EIF3F: variants seen among roughly 807,000 people sequenced by gnomAD.
The protein encoded by EIF3F is eukaryotic translation initiation factor 3 subunit F, also known as deubiquitinating enzyme eIF3f.
A neutral mutation model predicts 36.0 loss-of-function variants in EIF3F; 8 were observed. That is an observed-to-expected ratio of 0.22 (90% CI 0.13 to 0.40). EIF3F has a LOEUF of 0.40. EIF3F is among the 10% of genes least tolerant of loss of function. EIF3F has a pLI of 1.00. For missense variants in EIF3F, 430 were observed against 467.6 expected (o/e 0.92, Z 0.74); for synonymous variants, 184 against 188.5 (o/e 0.98, Z 0.19).
rs1027171174 is a variant in EIF3F at position 7,987,785 on chromosome 11, CATT to C, written c.364+71_364+73del. The C allele has an allele frequency of 3.6e-6, 5 of 1,396,872 alleles. No individual in the cohort carries two copies. In the African/African-American group the frequency reaches 6.1e-5, roughly 17 times the overall value. 86.5% of individuals were successfully genotyped at this position (1,396,872 alleles called of 1,614,324 possible). ...TCTCATTTATCTCACTCCCCTAACT[CATT>C]AATTCTTTAATTCCTGGTGTCCTAC... is the stretch of plus-strand genomic sequence containing the variant. On this transcript the variant is annotated intron_variant, in intron 1 of 7. Coordinates refer to ENST00000651655, the MANE Select transcript of EIF3F (RefSeq NM_003754.3).
chr11:7,988,578 T>G (rs1942055076), intron 1 of EIF3F, among the ~76,000 whole-genome samples: 1 of 152,254 alleles, frequency 6.6e-6, no homozygotes, highest in African/African-American at 2.4e-5. Context: ...CCCATGAAAT[T>G]CGTTTCCATT....
intron 1 of EIF3F, 135 bp downstream of exon 1, chr11:7,987,851 T>G: frequency 2.4e-6 from 3 of 1,263,350 alleles, no homozygotes; most frequent in African/African-American, 1.6e-5. Context: ...TCTTAATCTA[T>G]ATCTGCATCC....
intron 4 of EIF3F, 129 bp downstream of exon 4, chr11:7,993,153 A>C: frequency 3.7e-5 from 39 of 1,066,426 alleles, no homozygotes; most frequent in East Asian, 1.8e-4. Context: ...CCTCTCTCTC[A>C]ACAGTTATTC....
Position 7,997,952 on chromosome 11 carries a change from GACTTAA to G in EIF3F, c.*1932_*1937del, listed in dbSNP as rs1261629415. ...TCGGTATTATAAGTAATCTAGAGATGACTTAAAAGTATATGAGAAGGTATGCACAGG... is the reference window on the plus strand; with the variant it reads ...TCGGTATTATAAGTAATCTAGAGATGAAGTATATGAGAAGGTATGCACAGG... On this transcript the variant is annotated 3_prime_UTR_variant, in exon 8 of 8. Coordinates refer to ENST00000651655, the MANE Select transcript of EIF3F (RefSeq NM_003754.3). 1 of 152,202 alleles carries G rather than the reference GACTTAA, an allele frequency of 6.6e-6. No homozygotes were observed. The highest frequency in any genetic ancestry group is 1.5e-5 in the Non-Finnish European group (1 of 68,044). 9.4% of individuals were successfully genotyped at this position (152,202 alleles called of 1,614,324 possible).
intron 7 of EIF3F, 194 bp downstream of exon 7, chr11:7,995,561 C>T (rs1942151136): frequency 1.6e-6 from 1 of 611,452 alleles, no homozygotes; most frequent in South Asian, 1.9e-5. Flanking sequence ...CCTTCCTTCT[C>T]CCATGATTCC....
At chr11:7,995,777 C>G in intron 7 of EIF3F, 168 bp from the exon 8 acceptor site, 2 of 689,352 alleles carry the variant, frequency 2.9e-6, no homozygotes, top group Non-Finnish European at 5.2e-6. Flanking sequence ...CCTTCTCAAG[C>G]ATTTCCTTTC....
chr11:7,995,925 G>T lies in EIF3F; in HGVS notation c.997-20G>T. The T allele has an allele frequency of 6.2e-7, 1 of 1,612,150 alleles. No homozygotes were observed. ...CTTTCCACCCAACCCCCCACTCATT[G>T]TGTATTCTTTGTCTTCCAGGACCTT... On this transcript the variant is annotated intron_variant, in intron 7 of 7. Transcript: ENST00000651655.
intron 1 of EIF3F, among the ~76,000 whole-genome samples, chr11:7,989,678 A>C (rs984012990): frequency 7.9e-5 from 12 of 152,248 alleles, no homozygotes; most frequent in Non-Finnish European, 1.3e-4. Flanking sequence ...TAAATGTTCC[A>C]ATAGAAGGGT....
Position 7,987,398 on chromosome 11 carries a change from A to C in EIF3F, c.46A>C (p.Thr16Pro), listed in dbSNP as rs1589902576. 1 of 1,599,832 alleles carries C rather than the reference A, an allele frequency of 6.3e-7. No individual in the cohort carries two copies. The highest frequency in any genetic ancestry group is 8.5e-7 in the Non-Finnish European group (1 of 1,179,344). ...VPVSAPPATPTPVPAAAPASV... is the reference protein window; with the variant it reads ...VPVSAPPATPPPVPAAAPASV... Reference sequence around the variant, plus strand: ...AGTAAGTGCTCCTCCGGCCACGCCAACCCCAGTCCCGGCGGCGGCCCCAGC... The same window carrying C: ...AGTAAGTGCTCCTCCGGCCACGCCACCCCCAGTCCCGGCGGCGGCCCCAGC... The change falls in exon 1 of 8, where the codon ACC becomes CCC. Residue 16 changes from threonine to proline, a missense_variant. Coordinates refer to ENST00000651655, the MANE Select transcript of EIF3F (RefSeq NM_003754.3).
chr11:7,988,364 G>A (rs991825340), intron 1 of EIF3F, among the ~76,000 whole-genome samples: 2 of 152,170 alleles, frequency 1.3e-5, no homozygotes, highest in Non-Finnish European at 2.9e-5. Flanking sequence ...GAGAAACCCT[G>A]TTCCCCCATT....
At chr11:7,992,259 G>A (rs1291641875) in intron 3 of EIF3F, 96 bp downstream of exon 3, 69 of 1,076,056 alleles carry the variant, frequency 6.4e-5, no homozygotes, top group Non-Finnish European at 8.7e-5. Context: ...TCTTCCTTTT[G>A]GAGGCAAGAG....
At position 7,990,806 on chromosome 11, in the gene EIF3F, A is replaced by T. The variant is rs1942082450; in HGVS notation, c.365-975A>T. On this transcript the variant is annotated intron_variant, in intron 1 of 7. Transcript: ENST00000651655. The stretch of plus-strand genomic sequence containing the variant: ...ATCCTGGGGTAGGAGGTTCCAATAG[A>T]TTAGAAGAGAATGGAAAACTCAACG... 2.0e-5 allele frequency among the ~76,000 whole-genome samples: 3 copies of T among 152,050 alleles called. No homozygotes were observed. The South Asian group carries it at 6.2e-4, about 32-fold the overall frequency.
At chr11:7,994,287 C>A (rs888553411) in intron 4 of EIF3F, 139 bp from the exon 5 acceptor site, 2 of 698,200 alleles carry the variant, frequency 2.9e-6, no homozygotes, top group African/African-American at 3.6e-5. Context: ...CCCATGAGAC[C>A]TCTGGGGTTC....
At chr11:7,991,663 T>C in intron 1 of EIF3F, 118 bp from the exon 2 acceptor site, 1 of 967,318 alleles carries the variant, frequency 1.0e-6, no homozygotes, top group Non-Finnish European at 1.7e-6. Context: ...TTGGAGCTAA[T>C]GAGTTCAGTT....
intron 1 of EIF3F, 91 bp from the exon 2 acceptor site, chr11:7,991,690 T>C (rs2133669865): frequency 5.6e-6 from 7 of 1,239,120 alleles, no homozygotes; most frequent in Non-Finnish European, 8.3e-6. Flanking sequence ...TCATTGACAT[T>C]GAAGAGATCA....
intron 4 of EIF3F, 52 bp downstream of exon 4, chr11:7,993,076 C>G (rs1399566475): frequency 6.6e-7 from 1 of 1,505,656 alleles, no homozygotes; most frequent in African/African-American, 1.4e-5. Flanking sequence ...AGATGCCATC[C>G]CTCCCCCACC....
Position 8,001,741 on chromosome 11 carries a change from C to T in EIF3F, c.*5719C>T, listed in dbSNP as rs1942224664. ...TTGTCTTAAGGTACTAGATGGGGCACAGGACAGGACGAAAGATTTACTTCT... is the reference window on the plus strand; with the variant it reads ...TTGTCTTAAGGTACTAGATGGGGCATAGGACAGGACGAAAGATTTACTTCT... On this transcript the variant is annotated 3_prime_UTR_variant, in exon 8 of 8. Transcript: ENST00000651655. 6.6e-6 allele frequency: 1 copy of T among 151,986 alleles called. No individual in the cohort carries two copies. Among genetic ancestry groups the T allele is most frequent in the African/African-American group, 2.4e-5 (1 of 41,348 alleles). 9.4% of individuals were successfully genotyped at this position (151,986 alleles called of 1,614,324 possible). A position where few individuals can be genotyped will look rare whatever the true frequency, so the allele number is the denominator to read the frequency against.
chr11:7,987,441 C>T lies in EIF3F; in HGVS notation c.89C>T (p.Thr30Met). The change falls in exon 1 of 8, where the codon ACG becomes ATG. Residue 30 changes from threonine to methionine, a missense_variant. Thr to Met is a moderately conservative substitution (Grantham distance 81). This residue lies in a region of EIF3F where 168 missense variants were observed against 120.2 expected (regional missense o/e 1.40). Coordinates refer to ENST00000651655, the MANE Select transcript of EIF3F (RefSeq NM_003754.3). ...GCCCCAGCCTCAGTTCCAGCGCCAA[C>T]GCCAGCACCGGCTGCGGCTCCGGTT... Reference protein sequence around the residue: ...AAAPASVPAPTPAPAAAPVPA... With the variant: ...AAAPASVPAPMPAPAAAPVPA... 1 of 1,602,950 alleles carries T rather than the reference C, an allele frequency of 6.2e-7. No homozygotes were observed. Among genetic ancestry groups the T allele is most frequent in the Non-Finnish European group, 8.5e-7 (1 of 1,179,100 alleles).
intron 4 of EIF3F, among the ~76,000 whole-genome samples, chr11:7,993,798 A>T (rs1025691233): frequency 6.6e-6 from 1 of 151,968 alleles, no homozygotes; most frequent in African/African-American, 2.4e-5. Context: ...TGACTTCTTA[A>T]CCTTCCCAGG....
Sources: allele counts gnomAD v4.1 joint callset (sites outside exome capture counted in the v4.1 genomes callset), GRCh38; gene constraint gnomAD v4.1.1; regional missense constraint gnomAD v4.1.1; transcripts MANE v1.5; gene names NCBI Gene and HGNC (gene_info 2026-07-23, HGNC 2026-07-21).